ETFBKMT: variants seen among roughly 807,000 people sequenced by gnomAD.
ETFBKMT encodes electron transfer flavoprotein subunit beta lysine methyltransferase.
ETFBKMT carries 13 observed loss-of-function variants against 18.3 expected under a neutral mutation model. The observed-to-expected ratio is 0.71, with a 90% CI of 0.46 to 1.13. ETFBKMT has a LOEUF of 1.13. ETFBKMT is among the 50% of genes most tolerant of loss of function. ETFBKMT has a pLI of 0.00. For synonymous variants in ETFBKMT, 84 were observed against 107.9 expected (o/e 0.78, Z 1.37); for missense variants, 293 against 306.2 (o/e 0.96, Z 0.32).
At chr12:31,665,995 T>C (rs990994583) in intron 2 of ETFBKMT, 92 bp from the exon 3 acceptor site, 2 of 1,114,194 alleles carry the variant, frequency 1.8e-6, no homozygotes, top group African/African-American at 3.2e-5. Context: ...TAGCCAGTTT[T>C]GGGGCCAGTT....
Position 31,667,685 on chromosome 12 carries a change from A to T in ETFBKMT, c.484A>T (p.Arg162Ter), listed in dbSNP as rs1417849350. 6.2e-6 allele frequency: 10 copies of T among 1,613,660 alleles called. No individual in the cohort carries two copies. Among genetic ancestry groups the T allele is most frequent in the African/African-American group, 1.3e-5 (1 of 74,830 alleles). Residue 162 changes from arginine to a stop codon, truncating the protein, a stop_gained, in exon 4 of 4, where the codon AGA becomes TGA. Transcript: ENST00000357721. LOFTEE classifies it high-confidence loss of function. Reference protein sequence around the residue: ...MAITLNCELNRLNPFPILIQN... With the variant: ...MAITLNCELN ...TATTACACTAAATTGTGAATTGAAC[A>T]GACTGAATCCTTTTCCTATTTTAAT...
intron 3 of ETFBKMT, among the ~76,000 whole-genome samples, chr12:31,666,747 T>G (rs1951200917): frequency 6.6e-6 from 1 of 151,742 alleles, no homozygotes; most frequent in Non-Finnish European, 1.5e-5. Flanking sequence ...GCCTCCCGGG[T>G]TCACACCATT....
Position 31,667,752 on chromosome 12 carries a change from T to C in ETFBKMT, c.551T>C (p.Val184Ala). 1 of 1,614,188 alleles carries C rather than the reference T, an allele frequency of 6.2e-7. No homozygotes were observed. The highest frequency in any genetic ancestry group is 1.1e-5 in the South Asian group (1 of 91,086). ...TTGGAACAAGATAAGTGGGACCTTG[T>C]TGTTCTTGGCGATATGTTTTATGAT... ...LNLEQDKWDL[V>A]VLGDMFYDED... Residue 184 changes from valine to alanine, a missense_variant, in exon 4 of 4, where the codon GTT (valine) becomes GCT (alanine). Physicochemically the swap from Val to Ala is moderately conservative, Grantham distance 64 (BLOSUM62 0). Transcript: ENST00000357721.
At chr12:31,658,176 A>G (rs1213424159), upstream of ETFBKMT, among the ~76,000 whole-genome samples, 4 of 152,228 alleles carry the variant, frequency 2.6e-5, no homozygotes, top group Admixed American at 2.6e-4. Context: ...AATATTTCTT[A>G]TAGAAATTGA....
At chr12:31,660,965 T>G (rs1324544835) in intron 1 of ETFBKMT, 1 of 152,150 alleles carries the variant, frequency 6.6e-6, no homozygotes, top group East Asian at 1.9e-4. Flanking sequence ...TTTGTTAAAT[T>G]TATGAAAGAA....
chr12:31,647,235 A>T (rs1414203212), exon 1 of ETFBKMT: 1 of 152,278 alleles, frequency 6.6e-6, no homozygotes, highest in Non-Finnish European at 1.5e-5. Flanking sequence ...TCCTCATTTC[A>T]TCTCCCGCAA....
At position 31,662,194 on chromosome 12, in the gene ETFBKMT, G is replaced by T. The variant is rs1450840334; in HGVS notation, c.241G>T (p.Glu81Ter). 3 of 1,614,114 alleles carry T rather than the reference G, an allele frequency of 1.9e-6. No individual in the cohort carries two copies. In the East Asian group the frequency reaches 6.7e-5, roughly 36 times the overall value. Residue 81 changes from glutamate to a stop codon, truncating the protein, a stop_gained, in exon 2 of 4, where the codon GAG becomes TAG. Coordinates refer to ENST00000357721, the MANE Select transcript of ETFBKMT (RefSeq NM_001135863.2). LOFTEE classifies it high-confidence loss of function. ...GACCCCCAGATGCAAATTCTGGTGGGAGAGAGCTGACCTGTGGCCCCACAG... is the reference window on the plus strand; with the variant it reads ...GACCCCCAGATGCAAATTCTGGTGGTAGAGAGCTGACCTGTGGCCCCACAG... ...LLTPRCKFWW[E>*]RADLWPHSDP...
chr12:31,651,648 A>G (rs752946948), intron 1 of ETFBKMT, among the ~76,000 whole-genome samples: 1 of 152,090 alleles, frequency 6.6e-6, no homozygotes, highest in Non-Finnish European at 1.5e-5. Flanking sequence ...TTCCTTTAGT[A>G]GAAAGAGAAA....
intron 1 of ETFBKMT, among the ~76,000 whole-genome samples, chr12:31,652,656 A>G (rs1951027523): frequency 6.6e-6 from 1 of 152,198 alleles, no homozygotes; most frequent in Non-Finnish European, 1.5e-5. Flanking sequence ...AGGAGAATTT[A>G]TCCTCCCATC....
upstream of ETFBKMT, among the ~76,000 whole-genome samples, chr12:31,656,244 G>C (rs1951060968): frequency 6.6e-6 from 1 of 152,096 alleles, no homozygotes; most frequent in Non-Finnish European, 1.5e-5. Flanking sequence ...CTTTTCAGAG[G>C]ACCTTAACGT....
intron 3 of ETFBKMT, among the ~76,000 whole-genome samples, chr12:31,666,648 T>TTTTATTTTA (rs1951199670): frequency 6.6e-6 from 1 of 151,308 alleles, no homozygotes; most frequent in Non-Finnish European, 1.5e-5. Context: ...CTTTATTTTA[T>TTTTATTTTA]TTTATTTATT....
chr12:31,649,365 GAA>G (rs1277997824), intron 1 of ETFBKMT, among the ~76,000 whole-genome samples: 3 of 152,204 alleles, frequency 2.0e-5, no homozygotes, highest in Admixed American at 2.0e-4. Flanking sequence ...TATGCTCAAT[GAA>G]AGAGTCAGTC....
chr12:31,665,633 A>G (rs1299337241), intron 2 of ETFBKMT, among the ~76,000 whole-genome samples: 1 of 152,224 alleles, frequency 6.6e-6, no homozygotes, highest in Non-Finnish European at 1.5e-5. Context: ...GGCGTCTCAC[A>G]GCCTTCAGAC....
intron 2 of ETFBKMT, among the ~76,000 whole-genome samples, chr12:31,662,505 C>CTTTT (rs35366747): frequency 3.8e-4 from 49 of 128,788 alleles, no homozygotes; most frequent in Non-Finnish European, 5.3e-4. Flanking sequence ...TTCTTTCTTT[C>CTTTT]TTTTTTTTTT....
intron 1 of ETFBKMT, among the ~76,000 whole-genome samples, chr12:31,649,337 CATGA>C (rs1458050558): frequency 6.6e-6 from 1 of 152,178 alleles, no homozygotes; most frequent in African/African-American, 2.4e-5. Flanking sequence ...CATTCTACAA[CATGA>C]ATGAAGAAAA....
At chr12:31,665,855 C>A (rs532319547) in intron 2 of ETFBKMT, among the ~76,000 whole-genome samples, 2 of 152,228 alleles carry the variant, frequency 1.3e-5, no homozygotes, top group African/African-American at 4.8e-5. Flanking sequence ...GGTTTAAGAA[C>A]GCCTTTAAGC....
At chr12:31,654,206 T>C (rs947168332), upstream of ETFBKMT, among the ~76,000 whole-genome samples, 60 of 152,100 alleles carry the variant, frequency 3.9e-4, no homozygotes, top group African/African-American at 1.4e-3. Context: ...CACGCCACCA[T>C]GTCCGACTAA....
At chr12:31,655,567 T>A (rs1465387035), upstream of ETFBKMT, among the ~76,000 whole-genome samples, 2 of 152,222 alleles carry the variant, frequency 1.3e-5, no homozygotes, top group African/African-American at 4.8e-5. Flanking sequence ...ACATCCATTA[T>A]TCTTCTACCT....
chr12:31,666,932 C>T (rs985989031), intron 3 of ETFBKMT, among the ~76,000 whole-genome samples: 3 of 151,566 alleles, frequency 2.0e-5, no homozygotes, highest in Non-Finnish European at 4.4e-5. Flanking sequence ...GCTAGGATTA[C>T]AGGCATGAGC....
Sources: gnomAD v4.1 joint callset for allele counts (sites outside exome capture counted in the v4.1 genomes callset) on GRCh38, gnomAD v4.1.1 for gene constraint, MANE v1.5 for transcripts, NCBI Gene and HGNC (gene_info 2026-07-23, HGNC 2026-07-21) for gene names.